FBLN1: variants seen among roughly 807,000 people sequenced by gnomAD.
FBLN1 encodes fibulin-1.
FBLN1 carries 34 observed loss-of-function variants against 89.7 expected under a neutral mutation model. The observed-to-expected ratio is 0.38, with a 90% CI of 0.29 to 0.50. FBLN1 has a LOEUF of 0.50. Ranked by LOEUF, FBLN1 falls within the 20% of genes least tolerant of loss-of-function variation. FBLN1 has a pLI of 0.92. For synonymous variants in FBLN1, 393 were observed against 391.3 expected, an observed-to-expected ratio of 1.00 and a Z score of -0.05; for missense variants, 777 against 988.1, an observed-to-expected ratio of 0.79 and a Z score of 2.86.
At chr22:45,506,478 G>A (rs180944197) in intron 1 of FBLN1, among the ~76,000 whole-genome samples, 1 of 152,296 alleles carries the variant, frequency 6.6e-6, no homozygotes, top group East Asian at 1.9e-4. Flanking sequence ...TCCCCCTCAT[G>A]CAACTAGGAG....
At position 45,563,339 on chromosome 22, in the gene FBLN1, C is replaced by T. The variant is rs2088872800; in HGVS notation, c.1698-11172C>T. 1 of 1,604,964 alleles carries T rather than the reference C, an allele frequency of 6.2e-7. No homozygotes were observed. Among genetic ancestry groups the T allele is most frequent in the Non-Finnish European group, 8.5e-7 (1 of 1,178,334 alleles). On this transcript the variant is annotated intron_variant, in intron 14 of 16. Transcript: ENST00000327858. This position sits in a 1 kb window ranked among gnomAD's most constrained non-coding sequence, Gnocchi z 5.7. The stretch of plus-strand genomic sequence containing the variant: ...CTGCCCTCCGGGGCGTTAATAAAGT[C>T]TTAGCAAGCGTCCCACACAGTGAGC...
Position 45,554,382 on chromosome 22 carries a change from G to A in FBLN1, c.1697+3767G>A, listed in dbSNP as rs57993415. Among the ~76,000 whole-genome samples, 1,408 of 152,314 alleles carry A rather than the reference G, an allele frequency of 9.2e-3. 27 individuals carry two copies. The highest frequency in any genetic ancestry group is 0.031 in the African/African-American group (1,303 of 41,568). On this transcript the variant is annotated intron_variant, in intron 14 of 16. Transcript: ENST00000327858. ...TTGGCCTGGACCTGGGCATCTCTGG[G>A]GCAGGCCACCGCCAGCAGCACCCGT...
At position 45,542,217 on chromosome 22, in the gene FBLN1, C is replaced by G; in HGVS notation, c.1129C>G (p.Pro377Ala). 6.2e-7 allele frequency: 1 copy of G among 1,614,206 alleles called. No homozygotes were observed. The highest frequency in any genetic ancestry group is 1.1e-5 in the South Asian group (1 of 91,088). ...CGKGHRCVNSPGSFRCECKTG... is the reference protein window; with the variant it reads ...CGKGHRCVNSAGSFRCECKTG... ...GAAGGGACATCGCTGCGTGAACTCT[C>G]CCGGCAGTTTCCGCTGCGAATGCAA... Residue 377 changes from proline to alanine, a missense_variant, in exon 10 of 17, where the codon CCC becomes GCC. Transcript: ENST00000327858.
Position 45,576,875 on chromosome 22 carries a change from G to C in FBLN1, c.1841-102G>C. On this transcript the variant is annotated intron_variant, in intron 15 of 16. Coordinates refer to ENST00000327858, the MANE Select transcript of FBLN1 (RefSeq NM_006486.3). The surrounding 1 kb of genome is among the most constrained non-coding windows in gnomAD (Gnocchi z 5.2). ...GATGTTGTCTCATGAAAGGGCCCTG[G>C]GTTAGGTCTTCATTCCCCAAGGGTG... The C allele has an allele frequency of 7.0e-7, 1 of 1,424,126 alleles. No individual in the cohort carries two copies. Among genetic ancestry groups the C allele is most frequent in the Admixed American group, 1.8e-5 (1 of 55,590 alleles). The allele number at this position is 1,424,126 out of a possible 1,614,324, so 88.2% of individuals were successfully genotyped here.
chr22:45,595,603 G>C (rs2089177212), intron 16 of FBLN1, among the ~76,000 whole-genome samples: 1 of 7,624 alleles, frequency 1.3e-4, no homozygotes, highest in South Asian at 2.1e-3. Context: ...ACCAAACCTC[G>C]TGAAGTACTC....
At position 45,529,822 on chromosome 22, in the gene FBLN1, G is replaced by A. The variant is rs1024220284; in HGVS notation, c.485-1443G>A. ...GCGGAGGTTGCAGTGAGCCGAGATG[G>A]CGCCATTGCATTCCAGCCTGGGTGA... is the stretch of plus-strand genomic sequence containing the variant. On this transcript the variant is annotated intron_variant, in intron 4 of 16. Transcript: ENST00000327858. 3.3e-5 allele frequency among the ~76,000 whole-genome samples: 5 copies of A among 152,170 alleles called. No individual in the cohort carries two copies. The East Asian group carries it at 9.6e-4, about 29-fold the overall frequency.
intron 6 of FBLN1, 110 bp downstream of exon 6, chr22:45,533,274 G>T: frequency 9.7e-7 from 1 of 1,030,122 alleles, no homozygotes; most frequent in African/African-American, 1.6e-5. Context: ...CCCCATTCAG[G>T]GGTGGAGAGC....
intron 2 of FBLN1, among the ~76,000 whole-genome samples, chr22:45,521,035 C>T (rs147658827): frequency 0.042 from 6,422 of 152,098 alleles, 483 homozygotes; most frequent in African/African-American, 0.14. Context: ...AGGCTGGTCT[C>T]GAACTCCTGA....
At chr22:45,593,638 G>T (rs1426530226) in intron 16 of FBLN1, among the ~76,000 whole-genome samples, 1 of 152,166 alleles carries the variant, frequency 6.6e-6, no homozygotes, top group African/African-American at 2.4e-5. Flanking sequence ...AGGTGTGATG[G>T]AAATGCACCT....
chr22:45,546,900 T>G (rs902343628), intron 11 of FBLN1, among the ~76,000 whole-genome samples, 185 bp from the exon 12 acceptor site: 8 of 152,100 alleles, frequency 5.3e-5, no homozygotes, highest in African/African-American at 1.9e-4. Flanking sequence ...GGAGCAGGGA[T>G]GGAGGGTCCG....
intron 14 of FBLN1, among the ~76,000 whole-genome samples, chr22:45,573,680 C>CAAAA (rs60082908): frequency 0.17 from 9,726 of 58,840 alleles, 1,603 homozygotes; most frequent in South Asian, 0.22. Context: ...GACTCTGTCT[C>CAAAA]AAAAAAAAAA....
Position 45,548,510 on chromosome 22 carries a change from T to C in FBLN1, c.1442-103T>C, listed in dbSNP as rs2088659732. 7 of 1,509,434 alleles carry C rather than the reference T, an allele frequency of 4.6e-6. No homozygotes were observed. The South Asian group carries it at 8.3e-5, about 18-fold the overall frequency. The allele number at this position is 1,509,434 out of a possible 1,614,324, so 93.5% of individuals were successfully genotyped here. A position where few individuals can be genotyped will look rare whatever the true frequency, so the allele number is the denominator to read the frequency against. On this transcript the variant is annotated intron_variant, in intron 12 of 16. Transcript: ENST00000327858. The stretch of plus-strand genomic sequence containing the variant: ...CTGTGTTCAGCTTGTCCTGTGCTGC[T>C]GCCCTCCCGGGCCCCAGTGCAGCCC...
At chr22:45,564,687 C>T (rs1474843636) in intron 14 of FBLN1, among the ~76,000 whole-genome samples, 1 of 152,198 alleles carries the variant, frequency 6.6e-6, no homozygotes, top group Non-Finnish European at 1.5e-5. Flanking sequence ...ATTTGTCTTC[C>T]GCACCTTCCA....
chr22:45,542,027 A>C (rs2088562057), intron 9 of FBLN1, 128 bp from the exon 10 acceptor site: 1 of 1,393,174 alleles, frequency 7.2e-7, no homozygotes, highest in Non-Finnish European at 1.0e-6. Flanking sequence ...TGCTCTGTGA[A>C]GTCGTGTTGA....
chr22:45,521,110 C>G (rs1426967616), intron 2 of FBLN1, among the ~76,000 whole-genome samples: 3 of 152,214 alleles, frequency 2.0e-5, no homozygotes, highest in Non-Finnish European at 4.4e-5. Flanking sequence ...GCCACTGCGC[C>G]CGGCCAATTT....
intron 14 of FBLN1, among the ~76,000 whole-genome samples, chr22:45,554,437 GC>G (rs1238262325): frequency 6.6e-6 from 1 of 152,182 alleles, no homozygotes; most frequent in African/African-American, 2.4e-5. Context: ...TCTGTTTTGG[GC>G]CCCTCCCAGG....
At chr22:45,516,555 TG>T (rs2088172194) in intron 1 of FBLN1, among the ~76,000 whole-genome samples, 1 of 152,238 alleles carries the variant, frequency 6.6e-6, no homozygotes, top group Admixed American at 6.5e-5. Flanking sequence ...TTTCCTCTGG[TG>T]CTGGGAGGCA....
In FBLN1 at chr22:45,563,028, G is replaced by A. The variant is rs375761282; in HGVS notation, c.1698-11483G>A. 18 of 1,613,364 alleles carry A rather than the reference G, an allele frequency of 1.1e-5. No individual in the cohort carries two copies. The highest frequency in any genetic ancestry group is 8.9e-5 in the East Asian group (4 of 44,828). On this transcript the variant is annotated intron_variant, in intron 14 of 16. Transcript: ENST00000327858. The surrounding 1 kb of genome is among the most constrained non-coding windows in gnomAD (Gnocchi z 5.7). ...ATCCAAGCGCCCGCGGTGGTTTTCCGCATGGGCCCCTCCAGTGCTGTCCCC... is the reference window on the plus strand; with the variant it reads ...ATCCAAGCGCCCGCGGTGGTTTTCCACATGGGCCCCTCCAGTGCTGTCCCC...
chr22:45,582,890 G>A (rs4823303), intron 16 of FBLN1, among the ~76,000 whole-genome samples: 54,388 of 152,064 alleles, frequency 0.36, 11,606 homozygotes, highest in Admixed American at 0.52. Context: ...GCTTGGAGAA[G>A]GGACAGTCCT....
Sources: gnomAD v4.1 joint callset for allele counts (sites outside exome capture counted in the v4.1 genomes callset) on GRCh38, gnomAD v4.1.1 for gene constraint, Gnocchi (gnomAD v3.1) non-coding constraint, MANE v1.5 for transcripts, NCBI Gene and HGNC (gene_info 2026-07-23, HGNC 2026-07-21) for gene names.